TTC23: variants seen among roughly 807,000 people sequenced by gnomAD.
TTC23 encodes the protein tetratricopeptide repeat protein 23.
A neutral mutation model predicts 55.1 loss-of-function variants in TTC23; 58 were observed. The ratio of observed to expected loss-of-function variants is 1.05; its 90% CI spans 0.85 to 1.31. TTC23 has a LOEUF of 1.31. Ranked by LOEUF, TTC23 falls within the 50% of genes most tolerant of loss-of-function variation. The pLI, the probability that TTC23 is intolerant of heterozygous loss-of-function variation, is 0.00. For synonymous variants in TTC23, 203 were observed against 199.9 expected (o/e 1.02, Z -0.13); for missense variants, 516 against 534.4 (o/e 0.97, Z 0.34).
chr15:99,234,618 T>A (rs963848388), intron 4 of TTC23, among the ~76,000 whole-genome samples: 1 of 152,104 alleles, frequency 6.6e-6, no homozygotes, highest in Admixed American at 6.6e-5. Flanking sequence ...GTGATCTGCC[T>A]GCCTCAGCCT....
chr15:99,150,278 A>C (rs1235229061), intron 12 of TTC23, among the ~76,000 whole-genome samples: 6 of 152,014 alleles, frequency 3.9e-5, no homozygotes, highest in African/African-American at 1.5e-4. Flanking sequence ...TTCTTGGTCC[A>C]CTCCATTCCA....
intron 10 of TTC23, among the ~76,000 whole-genome samples, chr15:99,162,508 T>C (rs1291786692): frequency 2.0e-5 from 3 of 152,266 alleles, no homozygotes; most frequent in East Asian, 1.9e-4. Context: ...GAGCTGAGGT[T>C]GAATGGCCCG....
intron 10 of TTC23, among the ~76,000 whole-genome samples, chr15:99,168,397 T>C (rs971700250): frequency 1.3e-5 from 2 of 152,132 alleles, no homozygotes; most frequent in Non-Finnish European, 2.9e-5. Flanking sequence ...TGACCACAAC[T>C]TGGGGCCACC....
chr15:99,169,693 G>A, intron 10 of TTC23, among the ~76,000 whole-genome samples: 1 of 152,228 alleles, frequency 6.6e-6, no homozygotes, highest in Non-Finnish European at 1.5e-5. Flanking sequence ...AGACCTGGGT[G>A]AGATGCAGTG....
intron 1 of TTC23, 143 bp from the exon 2 acceptor site, chr15:99,245,653 AAAC>A (rs1257322326): frequency 6.6e-6 from 1 of 152,150 alleles, no homozygotes; most frequent in Non-Finnish European, 1.5e-5. Context: ...TCTTTTCAAT[AAAC>A]AATAAACAGT....
chr15:99,222,669 C>A (rs555098771), intron 5 of TTC23, among the ~76,000 whole-genome samples: 6 of 152,306 alleles, frequency 3.9e-5, no homozygotes, highest in Non-Finnish European at 8.8e-5. Flanking sequence ...GATCTCAGAG[C>A]AGCCATATCC....
intron 9 of TTC23, among the ~76,000 whole-genome samples, chr15:99,180,035 A>G (rs966180030): frequency 3.3e-5 from 5 of 152,192 alleles, no homozygotes; most frequent in Non-Finnish European, 5.9e-5. Flanking sequence ...ATCACAGTTA[A>G]CAGAATTACA....
At position 99,137,057 on chromosome 15, in the gene TTC23, G is replaced by C. The variant is rs527642083; in HGVS notation, c.*953C>G. ...CTGCAGCCTCATGGCCACAGTCTGT[G>C]GGACCAGGGGAGGGAGGGGAAGGGA... On this transcript the variant is annotated 3_prime_UTR_variant, in exon 14 of 14. Transcript: ENST00000394132. 6.6e-6 allele frequency: 1 copy of C among 152,452 alleles called. No homozygotes were observed. Among genetic ancestry groups the C allele is most frequent in the East Asian group, 1.9e-4 (1 of 5,172 alleles). The allele number at this position is 152,452 out of a possible 1,614,324, so 9.4% of individuals were successfully genotyped here.
intron 12 of TTC23, 85 bp from the exon 13 acceptor site, chr15:99,139,484 A>G: frequency 6.3e-7 from 1 of 1,589,092 alleles, no homozygotes; most frequent in Non-Finnish European, 8.6e-7. Context: ...TGAGAGAAAG[A>G]TGACCTCATT....
At chr15:99,226,972 G>A (rs1054887514) in intron 5 of TTC23, among the ~76,000 whole-genome samples, 13 of 152,152 alleles carry the variant, frequency 8.5e-5, no homozygotes, top group South Asian at 2.1e-4. Flanking sequence ...ACAGAACAAC[G>A]AAATGTTTAA....
At chr15:99,183,596 C>T (rs149360165) in intron 9 of TTC23, among the ~76,000 whole-genome samples, 289 of 151,444 alleles carry the variant, frequency 1.9e-3, no homozygotes, top group African/African-American at 4.9e-3. Flanking sequence ...GCCTCGGCCT[C>T]CCAAAGTGCT....
At chr15:99,144,354 C>T (rs529093564) in intron 12 of TTC23, 2 of 152,090 alleles carry the variant, frequency 1.3e-5, no homozygotes, top group Non-Finnish European at 2.9e-5. Flanking sequence ...ACTCGGTATA[C>T]TCTCATTTAA....
At chr15:99,156,098 G>T in intron 12 of TTC23, 50 bp downstream of exon 12, 1 of 1,609,988 alleles carries the variant, frequency 6.2e-7, no homozygotes. Context: ...ATTGACCTTG[G>T]AGAGGGGAGG....
At chr15:99,211,247 C>T (rs1351839331) in intron 8 of TTC23, among the ~76,000 whole-genome samples, 5 of 152,012 alleles carry the variant, frequency 3.3e-5, no homozygotes, top group African/African-American at 1.2e-4. Flanking sequence ...TGGTGGCACA[C>T]ATGTGTAATC....
chr15:99,184,224 C>T (rs1327641723), intron 9 of TTC23, among the ~76,000 whole-genome samples: 1 of 152,190 alleles, frequency 6.6e-6, no homozygotes, highest in Non-Finnish European at 1.5e-5. Context: ...GTGGAAGCCC[C>T]TACACAGAGT....
intron 4 of TTC23, among the ~76,000 whole-genome samples, chr15:99,231,379 C>T (rs2078919366): frequency 2.0e-5 from 3 of 152,176 alleles, no homozygotes; most frequent in Admixed American, 1.3e-4. Flanking sequence ...ATGAAAGCTC[C>T]ATGCATGTTA....
intron 8 of TTC23, among the ~76,000 whole-genome samples, chr15:99,207,036 G>T (rs1020383672): frequency 6.6e-6 from 1 of 151,928 alleles, no homozygotes; most frequent in African/African-American, 2.4e-5. Context: ...AATTTTTAAT[G>T]TCCTTCTTAA....
chr15:99,167,215 T>C (rs2072242042), intron 10 of TTC23, among the ~76,000 whole-genome samples: 1 of 152,166 alleles, frequency 6.6e-6, no homozygotes, highest in Non-Finnish European at 1.5e-5. Context: ...CCCCTTCAAG[T>C]GGCTGCTGCC....
intron 12 of TTC23, among the ~76,000 whole-genome samples, chr15:99,146,039 T>A (rs975110269): frequency 6.6e-6 from 1 of 152,132 alleles, no homozygotes; most frequent in South Asian, 2.1e-4. Flanking sequence ...GTCCCATGGG[T>A]TCTAATGTCC....
Sources: gnomAD v4.1 joint callset for allele counts (sites outside exome capture counted in the v4.1 genomes callset) on GRCh38, gnomAD v4.1.1 for gene constraint, MANE v1.5 for transcripts, NCBI Gene and HGNC (gene_info 2026-07-23, HGNC 2026-07-21) for gene names.